Variants in INPP4B observed in about 807,000 individuals in gnomAD.
The protein encoded by INPP4B is inositol polyphosphate-4-phosphatase type II B.
A neutral mutation model predicts 122.5 loss-of-function variants in INPP4B; 55 were observed. The ratio of observed to expected loss-of-function variants is 0.45; its 90% CI spans 0.36 to 0.56. The LOEUF is 0.56. INPP4B is among the 20% of genes least tolerant of loss of function. The pLI is 0.00. For missense variants in INPP4B, 1,000 were observed against 1,097.7 expected (o/e 0.91, Z 1.26); for synonymous variants, 403 against 388.7 (o/e 1.04, Z -0.43).
chr4:142,340,428 GA>G (rs1287419896), intron 7 of INPP4B, among the ~76,000 whole-genome samples: 1 of 150,784 alleles, frequency 6.6e-6, no homozygotes, highest in Non-Finnish European at 1.5e-5. Flanking sequence ...AATTTTTAGA[GA>G]CAGGGTCTCT....
chr4:142,572,197 G>GTAA (rs1358129818), intron 2 of INPP4B, among the ~76,000 whole-genome samples: 1 of 152,138 alleles, frequency 6.6e-6, no homozygotes, highest in African/African-American at 2.4e-5. Flanking sequence ...TCACTGGCAT[G>GTAA]TAAAACTATG....
intron 3 of INPP4B, among the ~76,000 whole-genome samples, chr4:142,433,729 A>AG (rs999476174): frequency 6.6e-6 from 1 of 152,300 alleles, no homozygotes; most frequent in African/African-American, 2.4e-5. Flanking sequence ...CACCAGTGAT[A>AG]GGTAAATCAA....
At chr4:142,099,040 A>G (rs1783340762) in intron 23 of INPP4B, among the ~76,000 whole-genome samples, 2 of 152,156 alleles carry the variant, frequency 1.3e-5, no homozygotes, top group African/African-American at 4.8e-5. Context: ...GAAGTAAGAA[A>G]TAACTATGTC....
At chr4:142,112,056 T>C (rs1314879092) in intron 22 of INPP4B, among the ~76,000 whole-genome samples, 2 of 152,184 alleles carry the variant, frequency 1.3e-5, no homozygotes, top group Non-Finnish European at 2.9e-5. Flanking sequence ...AAAAAAGTGT[T>C]TTTTAACTGA....
chr4:142,525,244 G>C (rs1274385825), intron 2 of INPP4B, among the ~76,000 whole-genome samples: 10 of 151,914 alleles, frequency 6.6e-5, no homozygotes, highest in South Asian at 4.2e-4. Flanking sequence ...AAAGAGGATA[G>C]AAAGAAATGG....
intron 1 of INPP4B, among the ~76,000 whole-genome samples, chr4:142,816,240 GAGA>G (rs1246612390): frequency 2.6e-5 from 4 of 152,142 alleles, no homozygotes; most frequent in Non-Finnish European, 4.4e-5. Context: ...GTAAGATTTA[GAGA>G]AGAAGATATT....
chr4:142,136,301 G>A (rs1176645905), intron 18 of INPP4B, among the ~76,000 whole-genome samples: 2 of 152,212 alleles, frequency 1.3e-5, no homozygotes, highest in African/African-American at 2.4e-5. Context: ...AACTGCAAGT[G>A]AGGCAAGCCT....
At chr4:142,035,106 C>T (rs1578676997) in intron 25 of INPP4B, among the ~76,000 whole-genome samples, 2 of 152,308 alleles carry the variant, frequency 1.3e-5, no homozygotes, top group Admixed American at 6.5e-5. Flanking sequence ...AAGCCTGGCA[C>T]AGGAGGATTT....
intron 23 of INPP4B, among the ~76,000 whole-genome samples, chr4:142,089,770 T>A (rs1325519129): frequency 1.3e-5 from 2 of 152,174 alleles, no homozygotes; most frequent in Non-Finnish European, 2.9e-5. Flanking sequence ...ATTTCATAAT[T>A]TTTCAAAAAT....
At chr4:142,193,943 A>G (rs987402103) in intron 14 of INPP4B, among the ~76,000 whole-genome samples, 5 of 152,168 alleles carry the variant, frequency 3.3e-5, no homozygotes, top group African/African-American at 1.2e-4. Flanking sequence ...GTATCCCCAT[A>G]AGAAGGAAGA....
chr4:142,677,801 A>G (rs1580690797), intron 2 of INPP4B, among the ~76,000 whole-genome samples: 1 of 152,120 alleles, frequency 6.6e-6, no homozygotes. Flanking sequence ...ATGAGAACAC[A>G]TGGCCACAGG....
chr4:142,140,447 C>T (rs1213086405), intron 18 of INPP4B, among the ~76,000 whole-genome samples: 1 of 152,120 alleles, frequency 6.6e-6, no homozygotes, highest in Non-Finnish European at 1.5e-5. Flanking sequence ...GATTAACCAG[C>T]GTATTTGAAT....
At chr4:142,610,327 C>T (rs371727642) in intron 2 of INPP4B, among the ~76,000 whole-genome samples, 1 of 152,266 alleles carries the variant, frequency 6.6e-6, no homozygotes, top group South Asian at 2.1e-4. Flanking sequence ...ATCCATTAAA[C>T]CTCTTTCCTT....
intron 25 of INPP4B, among the ~76,000 whole-genome samples, chr4:142,068,211 A>G (rs900751916): frequency 1.3e-5 from 2 of 152,348 alleles, no homozygotes; most frequent in African/African-American, 4.8e-5. Flanking sequence ...TCAACCCAGA[A>G]TTTCATATCC....
At chr4:142,491,882 G>T (rs1451796894) in intron 2 of INPP4B, among the ~76,000 whole-genome samples, 3 of 152,096 alleles carry the variant, frequency 2.0e-5, no homozygotes, top group African/African-American at 7.2e-5. Context: ...TTCTTTTGTT[G>T]CTTTTAAATT....
At chr4:142,547,359 G>T (rs1467150829) in intron 2 of INPP4B, among the ~76,000 whole-genome samples, 1 of 151,994 alleles carries the variant, frequency 6.6e-6, no homozygotes, top group Non-Finnish European at 1.5e-5. Context: ...ACCAAGCTCT[G>T]GGGATCTCAC....
intron 1 of INPP4B, among the ~76,000 whole-genome samples, chr4:142,740,707 C>G (rs1014031078): frequency 6.6e-6 from 1 of 151,906 alleles, no homozygotes; most frequent in Non-Finnish European, 1.5e-5. Flanking sequence ...TGCACCTTAA[C>G]AGGGGTAAGT....
At chr4:142,369,587 A>AAAATAAATAAATAAAT (rs34391492) in intron 7 of INPP4B, among the ~76,000 whole-genome samples, 30 of 142,456 alleles carry the variant, frequency 2.1e-4, no homozygotes, top group African/African-American at 7.2e-4. Context: ...GAAAATTAAA[A>AAAATAAATAAATAAAT]AAATAAATAA....
chr4:142,522,224 T>C (rs1035992375), intron 2 of INPP4B, among the ~76,000 whole-genome samples: 2 of 152,134 alleles, frequency 1.3e-5, no homozygotes, highest in African/African-American at 4.8e-5. Flanking sequence ...GTATCTTATG[T>C]TTTCTTCTAA....
Sources: gnomAD v4.1 joint callset for allele counts (sites outside exome capture counted in the v4.1 genomes callset) on GRCh38, gnomAD v4.1.1 for gene constraint, MANE v1.5 for transcripts, NCBI Gene and HGNC (gene_info 2026-07-23, HGNC 2026-07-21) for gene names.